The following LARP1B variants were observed in gnomAD, a reference collection of about 807,000 sequenced individuals.
LARP1B encodes the protein la-related protein 1B.
A neutral mutation model predicts 114.2 loss-of-function variants in LARP1B; 76 were observed. The ratio of observed to expected loss-of-function variants is 0.67; its 90% CI spans 0.55 to 0.81. The LOEUF (loss-of-function observed/expected upper bound fraction) is 0.81. Ranked by LOEUF, LARP1B falls within the 30% of genes least tolerant of loss-of-function variation. The pLI is 0.00. For synonymous variants in LARP1B, 345 were observed against 348.0 expected (o/e 0.99, Z 0.10); for missense variants, 1,014 against 1,075.8 (o/e 0.94, Z 0.80).
intron 12 of LARP1B, among the ~76,000 whole-genome samples, chr4:128,164,000 A>T (rs1228146050): frequency 6.6e-6 from 1 of 152,096 alleles, no homozygotes; most frequent in African/African-American, 2.4e-5. Flanking sequence ...GAAATTTTTT[A>T]AGGAGAAAAA....
intron 10 of LARP1B, among the ~76,000 whole-genome samples, chr4:128,119,502 G>A (rs956555081): frequency 6.6e-6 from 1 of 152,156 alleles, no homozygotes; most frequent in South Asian, 2.1e-4. Context: ...AGTTGGGAGC[G>A]ATCTTTATAT....
chr4:128,108,540 G>T (rs1580491535), intron 9 of LARP1B: 1 of 985,590 alleles, frequency 1.0e-6, no homozygotes, highest in African/African-American at 1.7e-5. Flanking sequence ...ATGATGGACA[G>T]TCTCACACTA....
chr4:128,087,005 G>C (rs138054404), intron 5 of LARP1B, among the ~76,000 whole-genome samples: 3 of 151,702 alleles, frequency 2.0e-5, no homozygotes, highest in Non-Finnish European at 4.4e-5. Flanking sequence ...ACAGAGTCTC[G>C]CACTATTGCC....
chr4:128,067,017 A>G (rs1763237171), intron 1 of LARP1B, among the ~76,000 whole-genome samples: 1 of 151,558 alleles, frequency 6.6e-6, no homozygotes, highest in Non-Finnish European at 1.5e-5. Context: ...CACGTTGGCC[A>G]GGCTGGTCTC....
At chr4:128,070,006 A>AG (rs1232224101) in intron 1 of LARP1B, among the ~76,000 whole-genome samples, 5 of 152,096 alleles carry the variant, frequency 3.3e-5, no homozygotes, top group Non-Finnish European at 2.9e-5. Context: ...AAAATGAAAA[A>AG]CTTTGATGTC....
intron 7 of LARP1B, chr4:128,092,985 G>T (rs1776419812): frequency 1.0e-6 from 1 of 985,328 alleles, no homozygotes. Context: ...CTACTTCAGT[G>T]TTGACAAAAT....
intron 9 of LARP1B, among the ~76,000 whole-genome samples, chr4:128,111,043 A>AT (rs765576523): frequency 0.031 from 4,284 of 136,322 alleles, 161 homozygotes; most frequent in African/African-American, 0.097. Context: ...AAAACTCATA[A>AT]TTTTTTTTTT....
intron 3 of LARP1B, among the ~76,000 whole-genome samples, chr4:128,076,750 G>A (rs1024510258): frequency 2.0e-5 from 3 of 151,946 alleles, no homozygotes; most frequent in African/African-American, 7.3e-5. Context: ...GTGTGAGACC[G>A]GGTCTCACTT....
chr4:128,109,784 A>C, intron 9 of LARP1B, among the ~76,000 whole-genome samples: 1 of 151,690 alleles, frequency 6.6e-6, no homozygotes, highest in Admixed American at 6.6e-5. Context: ...AAAATATATA[A>C]TCCTTTTTTC....
At chr4:128,079,639 C>T (rs889416694) in intron 4 of LARP1B, among the ~76,000 whole-genome samples, 3 of 152,106 alleles carry the variant, frequency 2.0e-5, no homozygotes, top group African/African-American at 4.8e-5. Flanking sequence ...TCGTGGCCCA[C>T]TGCAGCCTCG....
At chr4:128,111,159 G>C (rs867502199) in intron 9 of LARP1B, among the ~76,000 whole-genome samples, 1 of 151,408 alleles carries the variant, frequency 6.6e-6, no homozygotes, top group Non-Finnish European at 1.5e-5. Context: ...CAATTCTCCT[G>C]CCTCAGCCTC....
chr4:128,140,824 G>GTTGTTTTTTTTTTTT (rs55639320), intron 11 of LARP1B, among the ~76,000 whole-genome samples: 2 of 138,604 alleles, frequency 1.4e-5, no homozygotes, highest in Admixed American at 7.5e-5. Flanking sequence ...AATTGTCTCT[G>GTTGTTTTTTTTTTTT]TTTTTTTTTT....
At position 128,107,318 on chromosome 4, in the gene LARP1B, C is replaced by T. The variant is rs1782443694; in HGVS notation, c.988+5C>T. 7 of 1,613,754 alleles carry T rather than the reference C, an allele frequency of 4.3e-6. No homozygotes were observed. The highest frequency in any genetic ancestry group is 5.9e-6 in the Non-Finnish European group (7 of 1,179,892). On this transcript the variant is annotated splice_donor_5th_base_variant and intron_variant, in intron 9 of 19. Transcript: ENST00000326639. ...AAGCCTTTTGCTCACATACAGGTAACATCTTTTCTTCTAGAGCAAACGATG... is the reference window on the plus strand; with the variant it reads ...AAGCCTTTTGCTCACATACAGGTAATATCTTTTCTTCTAGAGCAAACGATG...
chr4:128,108,490 A>C (rs1435742449), intron 9 of LARP1B: 1 of 985,808 alleles, frequency 1.0e-6, no homozygotes, highest in East Asian at 1.1e-4. Context: ...TGTATTTTTG[A>C]TACATCAGTA....
intron 11 of LARP1B, among the ~76,000 whole-genome samples, chr4:128,156,803 A>G (rs1206203725): frequency 7.3e-6 from 1 of 136,888 alleles, no homozygotes; most frequent in East Asian, 2.3e-4. Flanking sequence ...GCTGCTATTT[A>G]TTTTCCTAAA....
intron 15 of LARP1B, among the ~76,000 whole-genome samples, chr4:128,197,525 C>T (rs1281541553): frequency 2.0e-5 from 3 of 152,062 alleles, no homozygotes; most frequent in African/African-American, 7.2e-5. Flanking sequence ...GAAACCCCAT[C>T]TCTACTAAAA....
intron 15 of LARP1B, among the ~76,000 whole-genome samples, chr4:128,196,304 A>C (rs542639622): frequency 2.5e-4 from 37 of 150,578 alleles, no homozygotes; most frequent in Middle Eastern, 3.4e-3. Flanking sequence ...AAAAAAAAAA[A>C]CCCAAAAATT....
At position 128,146,082 on chromosome 4, in the gene LARP1B, G is replaced by A. The variant is rs572933255; in HGVS notation, c.1525-16112G>A. Among the ~76,000 whole-genome samples the A allele has an allele frequency of 7.6e-4, 116 of 152,260 alleles. 2 individuals are homozygous for A. In the South Asian group the frequency reaches 0.023, roughly 30 times the overall value. ...AGAAGCATCAGTTCCATTTCCACAT[G>A]TACATATGTATACATGCATTTTTCT... is the stretch of plus-strand genomic sequence containing the variant. On this transcript the variant is annotated intron_variant, in intron 11 of 19. Transcript: ENST00000326639.
At position 128,206,444 on chromosome 4, in the gene LARP1B, C is replaced by G; in HGVS notation, c.2326C>G (p.Leu776Val). The G allele has an allele frequency of 1.2e-6, 2 of 1,604,166 alleles. No homozygotes were observed. Among genetic ancestry groups the G allele is most frequent in the Non-Finnish European group, 1.7e-6 (2 of 1,175,428 alleles). Residue 776 changes from leucine to valine, a missense_variant, in exon 18 of 20, where the codon CTG (leucine) becomes GTG (valine). Transcript: ENST00000326639. ...TCTTTATAGGTATGGGTTAGAATGT[C>G]TGTTCAGGTTTTATAGTTATGGACT... ...KENYRYGLECLFRFYSYGLEK... is the reference protein window; with the variant it reads ...KENYRYGLECVFRFYSYGLEK...
Sources: allele counts gnomAD v4.1 joint callset (sites outside exome capture counted in the v4.1 genomes callset), GRCh38; gene constraint gnomAD v4.1.1; transcripts MANE v1.5; gene names NCBI Gene and HGNC (gene_info 2026-07-23, HGNC 2026-07-21).